CSE1L: variants seen among roughly 807,000 people sequenced by gnomAD.
The protein encoded by CSE1L is exportin-2.
In CSE1L, 24 loss-of-function variants were observed where a neutral mutation model predicts 120.4. The observed-to-expected ratio is 0.20, with a 90% CI of 0.14 to 0.28. The LOEUF is 0.28. Among genes scored for constraint, CSE1L ranks in the 10% least tolerant of loss-of-function variants. The pLI is 1.00. For missense variants in CSE1L, 830 were observed against 1,145.2 expected, an observed-to-expected ratio of 0.72 and a Z score of 3.97; for synonymous variants, 402 against 398.3, an observed-to-expected ratio of 1.01 and a Z score of -0.11.
At chr20:49,077,873 G>T (rs533626280) in intron 13 of CSE1L, among the ~76,000 whole-genome samples, 2 of 152,124 alleles carry the variant, frequency 1.3e-5, no homozygotes, top group Non-Finnish European at 2.9e-5. Flanking sequence ...GCGTGGTGGC[G>T]TGTGCCTGTA....
At chr20:49,067,163 T>C in intron 5 of CSE1L, 27 bp from the exon 6 acceptor site, 1 of 1,458,392 alleles carries the variant, frequency 6.9e-7, no homozygotes, top group South Asian at 1.2e-5. Flanking sequence ...AACTTGTAAA[T>C]TTATCTGTTT....
intron 15 of CSE1L, 60 bp downstream of exon 15, chr20:49,084,222 A>G (rs906334494): frequency 4.8e-5 from 70 of 1,464,648 alleles, no homozygotes; most frequent in Non-Finnish European, 6.4e-5. Flanking sequence ...TGCTGGTCAA[A>G]GATATCTGAA....
chr20:49,064,821 A>G (rs2091878596), intron 3 of CSE1L, among the ~76,000 whole-genome samples: 1 of 150,766 alleles, frequency 6.6e-6, no homozygotes, highest in Non-Finnish European at 1.5e-5. Context: ...TCTTTGGGTG[A>G]TATAATCTAG....
At chr20:49,071,095 CTTT>C (rs1242735550) in intron 8 of CSE1L, among the ~76,000 whole-genome samples, 3 of 148,866 alleles carry the variant, frequency 2.0e-5, no homozygotes, top group Non-Finnish European at 4.4e-5. Flanking sequence ...TTATGACCTT[CTTT>C]CCGAAGAGAC....
rs1471327690 is a variant in CSE1L at position 49,096,381 on chromosome 20, A to C, written c.2859A>C (p.Ala953=). Residue 953 remains alanine (A), a synonymous_variant, in exon 25 of 25, where the codon GCA becomes GCC. Coordinates refer to ENST00000262982, the MANE Select transcript of CSE1L (RefSeq NM_001316.4). The stretch of plus-strand genomic sequence containing the variant: ...CAATGGTGAGCACCAGCCTGAATGC[A>C]GAAGCGCTCCAGTATCTCCAAGGGT... The part of the protein sequence containing the change: ...VPSMVSTSLN[A]EALQYLQGYL... 1 of 1,614,158 alleles carries C rather than the reference A, an allele frequency of 6.2e-7. No homozygotes were observed. Among genetic ancestry groups the C allele is most frequent in the African/African-American group, 1.3e-5 (1 of 75,046 alleles).
chr20:49,085,093 G>C (rs1224464663), intron 15 of CSE1L, among the ~76,000 whole-genome samples, 190 bp from the exon 16 acceptor site: 1 of 152,120 alleles, frequency 6.6e-6, no homozygotes, highest in African/African-American at 2.4e-5. Flanking sequence ...TTTGGTTCTC[G>C]ATGTGCCTTC....
intron 10 of CSE1L, 26 bp from the exon 11 acceptor site, chr20:49,074,759 A>G (rs1555823661): frequency 5.6e-6 from 9 of 1,598,586 alleles, no homozygotes; most frequent in African/African-American, 1.3e-5. Flanking sequence ...TTGGAGTGTT[A>G]TCTGAAATAT....
chr20:49,047,563 TC>T (rs2091726712), intron 1 of CSE1L, among the ~76,000 whole-genome samples: 11 of 121,214 alleles, frequency 9.1e-5, no homozygotes, highest in African/African-American at 3.5e-4. Context: ...TTTTCTCTTT[TC>T]TTTTTTTTTT....
intron 14 of CSE1L, among the ~76,000 whole-genome samples, chr20:49,079,039 C>G (rs1054660336): frequency 1.3e-5 from 2 of 152,004 alleles, no homozygotes; most frequent in Non-Finnish European, 2.9e-5. Context: ...TTACAGGCAC[C>G]TGCCACCACA....
chr20:49,063,125 T>TA, intron 2 of CSE1L, 77 bp from the exon 3 acceptor site: 7 of 715,080 alleles, frequency 9.8e-6, no homozygotes, highest in Non-Finnish European at 1.4e-5. Context: ...TTGATTTTTT[T>TA]TTATATATAT....
At chr20:49,053,384 G>A (rs1425438420) in intron 1 of CSE1L, among the ~76,000 whole-genome samples, 1 of 89,966 alleles carries the variant, frequency 1.1e-5, no homozygotes, top group African/African-American at 4.7e-5. Flanking sequence ...TTGAGACTGC[G>A]TTTCTCTCTT....
In CSE1L at chr20:49,092,091, T is replaced by C. The variant is rs948955836; in HGVS notation, c.2411T>C (p.Leu804Pro). The C allele has an allele frequency of 1.4e-5, 22 of 1,577,122 alleles. No individual in the cohort carries two copies. Among genetic ancestry groups the C allele is most frequent in the Non-Finnish European group, 1.9e-5 (22 of 1,154,220 alleles). The change falls in exon 22 of 25, where the codon CTA becomes CCA. Residue 804 changes from leucine to proline, a missense_variant. By Grantham distance (98) the Leu-to-Pro change is moderately conservative. Transcript: ENST00000262982. ...INLYCIKYGA[L>P]ALQEIFDGIQ... ...TTGTATTGCATAAAATATGGGGCAC[T>C]AGCACTACAAGAAATATTTGATGGT...
chr20:49,092,172 CTTTT>C (rs200977425), intron 22 of CSE1L, 45 bp downstream of exon 22: 33 of 1,097,228 alleles, frequency 3.0e-5, no homozygotes, highest in Non-Finnish European at 4.4e-5. Flanking sequence ...AATGTTTTGA[CTTTT>C]TTTTTAGTAC....
At chr20:49,077,112 T>C in intron 13 of CSE1L, 48 bp downstream of exon 13, 1 of 1,122,720 alleles carries the variant, frequency 8.9e-7, no homozygotes. Flanking sequence ...ACACTATACC[T>C]GAATTCAAAA....
chr20:49,085,562 A>ATTTTTTTTTTTTTTTT lies in CSE1L; in HGVS notation c.1723+188_1723+203dup, dbSNP rs11471947. Among the ~76,000 whole-genome samples the ATTTTTTTTTTTTTTTT allele has an allele frequency of 4.1e-4, 33 of 80,246 alleles. 7 individuals are homozygous for ATTTTTTTTTTTTTTTT. Among genetic ancestry groups the ATTTTTTTTTTTTTTTT allele is most frequent in the Non-Finnish European group, 5.1e-4 (21 of 41,264 alleles). 52.6% of individuals were successfully genotyped at this position (80,246 alleles called of 152,430 possible). A position where few individuals can be genotyped will look rare whatever the true frequency, so the allele number is the denominator to read the frequency against. On this transcript the variant is annotated intron_variant, in intron 16 of 24. Coordinates refer to ENST00000262982, the MANE Select transcript of CSE1L (RefSeq NM_001316.4). ...ATTATCTTGTTTACTACTAACAATA[A>ATTTTTTTTTTTTTTTT]TTTTTTTTTTTTTTTTTTTTTTTTT...
chr20:49,047,457 T>C (rs2091723676), intron 1 of CSE1L, among the ~76,000 whole-genome samples: 1 of 151,832 alleles, frequency 6.6e-6, no homozygotes, highest in Admixed American at 6.6e-5. Flanking sequence ...GCTGGGGAAG[T>C]ACCAACATTT....
At chr20:49,094,011 A>T in intron 22 of CSE1L, 129 bp from the exon 23 acceptor site, 1 of 627,530 alleles carries the variant, frequency 1.6e-6, no homozygotes, top group East Asian at 3.0e-5. Context: ...GTCTCTTCAG[A>T]TGATCAAAAA....
rs149548853 is a variant in CSE1L at position 49,054,352 on chromosome 20, T to C, written c.-11-4101T>C. Among the ~76,000 whole-genome samples, 304 of 152,188 alleles carry C rather than the reference T, an allele frequency of 2.0e-3. 1 individual carries two copies. The highest frequency in any genetic ancestry group is 6.9e-3 in the African/African-American group (288 of 41,528). Reference sequence around the variant, plus strand: ...CACAGCATTAGATAATATTTTCTTATTTTCTGGCTCCCCACCGCTCAGTTG... The same window carrying C: ...CACAGCATTAGATAATATTTTCTTACTTTCTGGCTCCCCACCGCTCAGTTG... On this transcript the variant is annotated intron_variant, in intron 1 of 24. Coordinates refer to ENST00000262982, the MANE Select transcript of CSE1L (RefSeq NM_001316.4).
intron 1 of CSE1L, among the ~76,000 whole-genome samples, chr20:49,047,564 CTTTTTTTTTTT>C (rs59986218): frequency 0.01 from 722 of 69,922 alleles, 18 homozygotes; most frequent in African/African-American, 0.029. Context: ...TTTCTCTTTT[CTTTTTTTTTTT>C]TTTTTTTTTT....
Sources: allele counts gnomAD v4.1 joint callset (sites outside exome capture counted in the v4.1 genomes callset), GRCh38; gene constraint gnomAD v4.1.1; transcripts MANE v1.5; gene names NCBI Gene and HGNC (gene_info 2026-07-23, HGNC 2026-07-21).